The following CRAMP1 variants were observed in gnomAD, a reference collection of about 807,000 sequenced individuals.
CRAMP1 encodes cramped chromatin regulator 1.
A neutral mutation model predicts 115.4 loss-of-function variants in CRAMP1; 50 were observed. The observed-to-expected ratio is 0.43, with a 90% CI of 0.35 to 0.55. The LOEUF (loss-of-function observed/expected upper bound fraction) is 0.55. Among genes scored for constraint, CRAMP1 ranks in the 20% least tolerant of loss-of-function variants. CRAMP1 has a pLI of 0.01. For missense variants in CRAMP1, 1,679 were observed against 1,721.7 expected, an observed-to-expected ratio of 0.98 and a Z score of 0.44; for synonymous variants, 866 against 745.4, an observed-to-expected ratio of 1.16 and a Z score of -2.64.
chr16:1,656,965 C>T lies in CRAMP1; in HGVS notation c.2208C>T (p.Leu736=). Residue 736 remains leucine, a synonymous_variant, in exon 10 of 21, where the codon CTC becomes CTT. Transcript: ENST00000397412. The surrounding 1 kb of genome is among the most constrained non-coding windows in gnomAD (Gnocchi z 5.6). Reference sequence around the variant, plus strand: ...GCCTCCTCAGCTGCCTCCTGAAGCTCATTTCCACCGAGGTCAACCCCAAGC... The same window carrying T: ...GCCTCCTCAGCTGCCTCCTGAAGCTTATTTCCACCGAGGTCAACCCCAAGC... The part of the protein sequence containing the change: ...KQRLLSCLLK[L]ISTEVNPKLA... The T allele has an allele frequency of 6.5e-7, 1 of 1,549,686 alleles. No individual in the cohort carries two copies. Among genetic ancestry groups the T allele is most frequent in the Non-Finnish European group, 8.7e-7 (1 of 1,146,130 alleles).
rs181870125 is a variant in CRAMP1, at chr16:1,621,374, T to C, written c.347-4599T>C. On this transcript the variant is annotated intron_variant, in intron 2 of 20. Coordinates refer to ENST00000397412, the MANE Select transcript of CRAMP1 (RefSeq NM_020825.4). ...CTGCACAGCAGGCTGTGGCAGGTGC[T>C]AGGGGTTTGGGAGACCTGAGAAGAG... Among the ~76,000 whole-genome samples, 4 of 152,348 alleles carry C rather than the reference T, an allele frequency of 2.6e-5. No individual in the cohort carries two copies. In the East Asian group the frequency reaches 7.7e-4, roughly 29 times the overall value.
rs1406336906 is a variant in CRAMP1 at position 1,674,009 on chromosome 16, T to C, written c.3774T>C (p.Gly1258=). ...GCCGAGAAGCTCTGTTTGATGGTGGTGGAGGCGGCCCCGCTGTCAGTGACC... is the reference window on the plus strand; with the variant it reads ...GCCGAGAAGCTCTGTTTGATGGTGGCGGAGGCGGCCCCGCTGTCAGTGACC... ...PGRREALFDG[G]GGGPAVSDLS... Residue 1258 remains glycine (G), a synonymous_variant, in exon 21 of 21, where the codon GGT becomes GGC. Coordinates refer to ENST00000397412, the MANE Select transcript of CRAMP1 (RefSeq NM_020825.4). The C allele has an allele frequency of 6.2e-7, 1 of 1,612,244 alleles. No homozygotes were observed. Among genetic ancestry groups the C allele is most frequent in the Non-Finnish European group, 8.5e-7 (1 of 1,179,868 alleles).
chr16:1,630,268 C>T (rs1346598965), intron 3 of CRAMP1, among the ~76,000 whole-genome samples: 3 of 152,164 alleles, frequency 2.0e-5, no homozygotes, highest in Admixed American at 2.0e-4. Context: ...CCTCCTGCCT[C>T]AGCCTCCCAC....
At position 1,662,494 on chromosome 16, in the gene CRAMP1, G is replaced by A. The variant is rs758259481; in HGVS notation, c.2418G>A (p.Leu806=). The A allele has an allele frequency of 1.2e-5, 19 of 1,613,422 alleles. No homozygotes were observed. The highest frequency in any genetic ancestry group is 1.6e-5 in the Non-Finnish European group (19 of 1,179,484). The change falls in exon 12 of 21, where the codon TTG becomes TTA. Residue 806 remains leucine (L), a synonymous_variant. Coordinates refer to ENST00000397412, the MANE Select transcript of CRAMP1 (RefSeq NM_020825.4). ...TTCTCTCCTCTCCTCTCCCAGGTTT[G>A]AGAAACCCTCCAAGACCCCTCTTGG... The part of the protein sequence containing the change: ...PPSSAPCSSG[L]RNPPRPLLVP...
chr16:1,643,838 G>A (rs80015936), intron 6 of CRAMP1, among the ~76,000 whole-genome samples: 2,598 of 152,370 alleles, frequency 0.017, 74 homozygotes, highest in African/African-American at 0.059. Flanking sequence ...GCCAGAAGGC[G>A]GCATGGCTGA....
intron 11 of CRAMP1, among the ~76,000 whole-genome samples, chr16:1,661,477 G>A (rs1464989739): frequency 1.3e-4 from 11 of 87,512 alleles, no homozygotes; most frequent in African/African-American, 1.9e-4. Flanking sequence ...GCCGGGTGAG[G>A]GGTCCTGGCC....
intron 2 of CRAMP1, among the ~76,000 whole-genome samples, chr16:1,616,214 G>C (rs920257263): frequency 6.6e-6 from 1 of 152,202 alleles, no homozygotes; most frequent in Non-Finnish European, 1.5e-5. Flanking sequence ...GGCTTTGCTT[G>C]TTACTAGTTT....
At chr16:1,668,957 C>T in intron 18 of CRAMP1, 44 bp from the exon 19 acceptor site, 1 of 1,598,258 alleles carries the variant, frequency 6.3e-7, no homozygotes. Context: ...TGCTGTTCAC[C>T]ACCCCGCAAC....
At chr16:1,659,585 C>T (rs1477584775) in intron 10 of CRAMP1, among the ~76,000 whole-genome samples, 1 of 152,144 alleles carries the variant, frequency 6.6e-6, no homozygotes, top group African/African-American at 2.4e-5. Context: ...GACAGCGTTT[C>T]ACCGTGTTAG....
At chr16:1,622,601 T>G (rs6600158) in intron 2 of CRAMP1, among the ~76,000 whole-genome samples, 45,416 of 151,976 alleles carry the variant, frequency 0.3, 9,235 homozygotes, top group African/African-American at 0.57. Context: ...CTTGTCTGTT[T>G]TTTGGGGTTT....
At chr16:1,638,341 C>A (rs947815856) in intron 5 of CRAMP1, among the ~76,000 whole-genome samples, 244 of 152,336 alleles carry the variant, frequency 1.6e-3, no homozygotes, top group East Asian at 3.9e-4. Context: ...TCTAAAACAT[C>A]CCAAAATATC....
At chr16:1,657,638 G>T (rs1260505429) in intron 10 of CRAMP1, among the ~76,000 whole-genome samples, 1 of 152,180 alleles carries the variant, frequency 6.6e-6, no homozygotes, top group African/African-American at 2.4e-5. Context: ...CAGACAGGAC[G>T]GTCCCTGCAG....
At position 1,672,714 on chromosome 16, in the gene CRAMP1, A is replaced by G. The variant is rs764613056; in HGVS notation, c.3646-1167A>G. On this transcript the variant is annotated intron_variant, in intron 20 of 20. Coordinates refer to ENST00000397412, the MANE Select transcript of CRAMP1 (RefSeq NM_020825.4). The surrounding 1 kb of genome is among the most constrained non-coding windows in gnomAD (Gnocchi z 4.9). The stretch of plus-strand genomic sequence containing the variant: ...CTGCAGGGTCTGCTGTGTGCAAACA[A>G]TGGCCCCTGTCCTCATGAGGCTTCT... Among the ~76,000 whole-genome samples, 8 of 152,206 alleles carry G rather than the reference A, an allele frequency of 5.3e-5. No individual in the cohort carries two copies. Among genetic ancestry groups the G allele is most frequent in the African/African-American group, 9.6e-5 (4 of 41,454 alleles).
In CRAMP1 at chr16:1,666,286, C is replaced by A; in HGVS notation, c.2857+109C>A. ...CTCCAAATCATAATGTCTCATTACC[C>A]TTCACCAAGAACATCTAAGCCCTTG... On this transcript the variant is annotated intron_variant, in intron 15 of 20. Coordinates refer to ENST00000397412, the MANE Select transcript of CRAMP1 (RefSeq NM_020825.4). The surrounding 1 kb of genome is among the most constrained non-coding windows in gnomAD (Gnocchi z 5.0). The A allele has an allele frequency of 8.5e-7, 1 of 1,171,950 alleles. No homozygotes were observed. Among genetic ancestry groups the A allele is most frequent in the Non-Finnish European group, 1.2e-6 (1 of 808,298 alleles). 72.6% of individuals were successfully genotyped at this position (1,171,950 alleles called of 1,614,324 possible). A position where few individuals can be genotyped will look rare whatever the true frequency, so the allele number is the denominator to read the frequency against.
intron 11 of CRAMP1, among the ~76,000 whole-genome samples, chr16:1,660,598 A>C (rs1023228552): frequency 3.3e-5 from 5 of 152,232 alleles, no homozygotes; most frequent in Non-Finnish European, 7.3e-5. Context: ...TAAAACCCCA[A>C]GACAAGCATG....
At chr16:1,664,667 T>C (rs2142205489) in intron 13 of CRAMP1, among the ~76,000 whole-genome samples, 2 of 151,870 alleles carry the variant, frequency 1.3e-5, no homozygotes, top group Admixed American at 1.3e-4. Context: ...TAATCCCAGC[T>C]ACTCGGGAGG....
chr16:1,655,126 G>T, intron 8 of CRAMP1, 93 bp from the exon 9 acceptor site: 1 of 1,120,720 alleles, frequency 8.9e-7, no homozygotes, highest in Non-Finnish European at 1.4e-6. Flanking sequence ...TGTCTCTTTT[G>T]GCACCCTCCT....
intron 10 of CRAMP1, among the ~76,000 whole-genome samples, chr16:1,659,390 AT>A (rs761925569): frequency 2.3e-4 from 34 of 149,590 alleles, no homozygotes; most frequent in Admixed American, 8.0e-4. Flanking sequence ...TGATTGATTG[AT>A]TTTTTTCTTT....
At position 1,674,078 on chromosome 16, in the gene CRAMP1, C is replaced by A. The variant is rs190295086; in HGVS notation, c.*33C>A. ...TCCTGGTGGCGGATGAAGCCCTCTT[C>A]GAGCTAGAGAAAAATAGATAAGCCC... On this transcript the variant is annotated 3_prime_UTR_variant, in exon 21 of 21. Transcript: ENST00000397412. 18 of 1,601,338 alleles carry A rather than the reference C, an allele frequency of 1.1e-5. No homozygotes were observed. In the African/African-American group the frequency reaches 2.3e-4, roughly 20 times the overall value.
Sources: gnomAD v4.1 joint callset for allele counts (sites outside exome capture counted in the v4.1 genomes callset) on GRCh38, gnomAD v4.1.1 for gene constraint, Gnocchi (gnomAD v3.1) non-coding constraint, MANE v1.5 for transcripts, NCBI Gene and HGNC (gene_info 2026-07-23, HGNC 2026-07-21) for gene names.